Variants in MYT1L observed in about 807,000 individuals in gnomAD.
MYT1L encodes the protein myelin transcription factor 1 like.
A neutral mutation model predicts 126.7 loss-of-function variants in MYT1L; 12 were observed. The ratio of observed to expected loss-of-function variants is 0.09; its 90% CI spans 0.06 to 0.15. The LOEUF (loss-of-function observed/expected upper bound fraction) is 0.15. Ranked by LOEUF, MYT1L falls within the 10% of genes least tolerant of loss-of-function variation. The pLI is 1.00. For synonymous variants in MYT1L, 541 were observed against 604.2 expected, an observed-to-expected ratio of 0.90 and a Z score of 1.53; for missense variants, 979 against 1,585.2, an observed-to-expected ratio of 0.62 and a Z score of 6.49.
At chr2:2,298,754 G>T (rs1180230911) in intron 1 of MYT1L, among the ~76,000 whole-genome samples, 1 of 152,168 alleles carries the variant, frequency 6.6e-6, no homozygotes, top group African/African-American at 2.4e-5. Flanking sequence ...GTGGGAGGTG[G>T]CACCCTCACT....
At chr2:2,211,068 T>C (rs999849195) in intron 2 of MYT1L, among the ~76,000 whole-genome samples, 3 of 152,212 alleles carry the variant, frequency 2.0e-5, no homozygotes, top group Non-Finnish European at 4.4e-5. Context: ...GATTTGTATT[T>C]TGATTTTGTA....
intron 3 of MYT1L, among the ~76,000 whole-genome samples, chr2:2,156,167 T>C (rs1039842406): frequency 6.6e-6 from 1 of 152,188 alleles, no homozygotes; most frequent in Non-Finnish European, 1.5e-5. Flanking sequence ...AAAAATAACC[T>C]AAAATTTGGA....
At chr2:2,024,755 C>T (rs2065360092) in intron 4 of MYT1L, among the ~76,000 whole-genome samples, 1 of 152,238 alleles carries the variant, frequency 6.6e-6, no homozygotes, top group Non-Finnish European at 1.5e-5. Flanking sequence ...AGCCGCAGTC[C>T]ACCAATTCTG....
intron 18 of MYT1L, among the ~76,000 whole-genome samples, chr2:1,861,974 G>GCCTGCAGCCTGTGTAATCCTGGATCCT (rs2044726018): frequency 1.5e-4 from 1 of 6,780 alleles, no homozygotes; most frequent in Non-Finnish European, 3.3e-4. Context: ...TCCTGGATCT[G>GCCTGCAGCCTGTGTAATCCTGGATCCT]CCTGCAGCCT....
intron 2 of MYT1L, among the ~76,000 whole-genome samples, chr2:2,187,172 T>G (rs972800359): frequency 6.6e-6 from 1 of 152,086 alleles, no homozygotes; most frequent in Admixed American, 6.6e-5. Context: ...GGGCTCCCTC[T>G]TCCACCGAGG....
intron 10 of MYT1L, among the ~76,000 whole-genome samples, chr2:1,918,683 T>C (rs1558395757): frequency 2.0e-5 from 3 of 152,230 alleles, no homozygotes; most frequent in Admixed American, 6.5e-5. Context: ...TTCTGCATAA[T>C]GTGCCTCTCC....
At chr2:2,099,139 AT>A (rs199775648) in intron 3 of MYT1L, among the ~76,000 whole-genome samples, 259 of 149,736 alleles carry the variant, frequency 1.7e-3, no homozygotes, top group Non-Finnish European at 2.8e-3. Flanking sequence ...TCTTTTGTCC[AT>A]TTTTTTTTTA....
chr2:2,039,959 AC>A (rs1432788752), intron 4 of MYT1L, among the ~76,000 whole-genome samples: 3 of 152,180 alleles, frequency 2.0e-5, no homozygotes, highest in African/African-American at 7.2e-5. Context: ...ACAGGCAGGG[AC>A]AACACGTGAT....
chr2:2,277,296 G>A (rs1045464710), intron 2 of MYT1L, among the ~76,000 whole-genome samples: 1 of 152,174 alleles, frequency 6.6e-6, no homozygotes, highest in Admixed American at 6.5e-5. Flanking sequence ...TTTCCAAAAT[G>A]CTCCATCTTT....
chr2:2,303,615 A>T (rs900736663), intron 1 of MYT1L: 5 of 152,284 alleles, frequency 3.3e-5, no homozygotes, highest in African/African-American at 1.2e-4. Context: ...GTGTTCAGGC[A>T]GTTCTCAGCA....
chr2:1,899,951 T>G (rs1436177388), intron 14 of MYT1L, among the ~76,000 whole-genome samples: 1 of 152,162 alleles, frequency 6.6e-6, no homozygotes, highest in Admixed American at 6.5e-5. Flanking sequence ...TTGTGAGTGG[T>G]TTGATCACAG....
At chr2:2,322,039 G>A (rs1056254273) in intron 1 of MYT1L, among the ~76,000 whole-genome samples, 2 of 151,950 alleles carry the variant, frequency 1.3e-5, no homozygotes, top group African/African-American at 4.8e-5. Context: ...ACATATACAC[G>A]CACTCACAAA....
intron 5 of MYT1L, among the ~76,000 whole-genome samples, chr2:1,988,020 T>C (rs1278121462): frequency 6.6e-6 from 1 of 152,250 alleles, no homozygotes; most frequent in Non-Finnish European, 1.5e-5. Flanking sequence ...TTGATCTTCC[T>C]GAAAGTTGCT....
intron 3 of MYT1L, among the ~76,000 whole-genome samples, chr2:2,064,583 G>A (rs2070975979): frequency 6.6e-6 from 1 of 151,670 alleles, no homozygotes; most frequent in Admixed American, 6.6e-5. Context: ...TATTGCTCAG[G>A]GAGTTTTTTG....
intron 3 of MYT1L, among the ~76,000 whole-genome samples, chr2:2,078,865 A>G (rs1379338843): frequency 1.3e-5 from 2 of 152,200 alleles, no homozygotes; most frequent in African/African-American, 4.8e-5. Flanking sequence ...TATGATTTAA[A>G]CGTTTGTGTT....
intron 5 of MYT1L, among the ~76,000 whole-genome samples, chr2:1,996,017 A>G (rs2061804681): frequency 6.6e-6 from 1 of 152,254 alleles, no homozygotes; most frequent in Non-Finnish European, 1.5e-5. Context: ...ATGGTTTACA[A>G]GAAAAAGCTG....
At chr2:2,250,443 G>C (rs2094615277) in intron 2 of MYT1L, among the ~76,000 whole-genome samples, 1 of 151,872 alleles carries the variant, frequency 6.6e-6, no homozygotes, top group African/African-American at 2.4e-5. Context: ...TCACTTATTT[G>C]TCAGATCTAA....
intron 3 of MYT1L, among the ~76,000 whole-genome samples, chr2:2,080,995 G>T (rs1219991429): frequency 6.6e-6 from 1 of 152,170 alleles, no homozygotes; most frequent in Non-Finnish European, 1.5e-5. Context: ...TAACTGTCAA[G>T]GGCTGCTGGG....
At chr2:1,923,847 A>T (rs2053884062) in intron 9 of MYT1L, among the ~76,000 whole-genome samples, 1 of 152,240 alleles carries the variant, frequency 6.6e-6, no homozygotes, top group Non-Finnish European at 1.5e-5. Context: ...GGGCTGAATT[A>T]AGAGTTCTTT....
Sources: allele counts gnomAD v4.1 joint callset (sites outside exome capture counted in the v4.1 genomes callset), GRCh38; gene constraint gnomAD v4.1.1; transcripts MANE v1.5; gene names NCBI Gene and HGNC (gene_info 2026-07-23, HGNC 2026-07-21).